The following NRXN1 variants were observed in gnomAD, a reference collection of about 807,000 sequenced individuals.
The protein encoded by NRXN1 is neurexin-1.
Under a neutral mutation model 150.9 loss-of-function variants are expected in NRXN1, and 39 were observed. The observed-to-expected ratio is 0.26, with a 90% CI of 0.20 to 0.34. NRXN1 has a LOEUF of 0.34. NRXN1 is among the 10% of genes least tolerant of loss of function. The pLI is 1.00. For missense variants in NRXN1, 1,815 were observed against 1,949.9 expected (o/e 0.93, Z 1.30); for synonymous variants, 924 against 757.0 (o/e 1.22, Z -3.62).
intron 12 of NRXN1, chr2:50,526,617 G>A (rs140377749): frequency 6.6e-6 from 1 of 152,290 alleles, no homozygotes; most frequent in East Asian, 1.9e-4. Context: ...TTCCTCAAAG[G>A]TGAGTCTTTT....
intron 18 of NRXN1, among the ~76,000 whole-genome samples, chr2:50,185,050 G>C (rs1366452920): frequency 6.6e-6 from 1 of 152,024 alleles, no homozygotes; most frequent in Non-Finnish European, 1.5e-5. Flanking sequence ...GACCTTGGAG[G>C]AGACATATGT....
intron 17 of NRXN1, among the ~76,000 whole-genome samples, chr2:50,441,854 G>C (rs1055266049): frequency 3.3e-5 from 5 of 152,144 alleles, no homozygotes; most frequent in Admixed American, 1.3e-4. Flanking sequence ...GTGGTTTCCT[G>C]CCCATAAGGC....
At chr2:49,928,787 C>T (rs1383301980) in intron 22 of NRXN1, among the ~76,000 whole-genome samples, 2 of 152,094 alleles carry the variant, frequency 1.3e-5, no homozygotes, top group Non-Finnish European at 2.9e-5. Context: ...GCATTAATTT[C>T]GACTCATGCG....
intron 18 of NRXN1, among the ~76,000 whole-genome samples, chr2:50,220,937 C>G (rs998906646): frequency 6.6e-6 from 1 of 151,928 alleles, no homozygotes; most frequent in Non-Finnish European, 1.5e-5. Context: ...AATTAAATAT[C>G]CTGCCCACCA....
At chr2:50,095,962 G>C (rs1335614494) in intron 18 of NRXN1, among the ~76,000 whole-genome samples, 1 of 122,236 alleles carries the variant, frequency 8.2e-6, no homozygotes, top group East Asian at 2.3e-4. Context: ...ACAGGCCCCG[G>C]TGTGTGATGT....
At chr2:50,183,409 A>C (rs2060863307) in intron 18 of NRXN1, among the ~76,000 whole-genome samples, 1 of 151,970 alleles carries the variant, frequency 6.6e-6, no homozygotes, top group Admixed American at 6.6e-5. Context: ...CTGTTTCTGA[A>C]TGTTGGAGAT....
intron 5 of NRXN1, among the ~76,000 whole-genome samples, chr2:50,751,500 C>T (rs1245579200): frequency 6.6e-6 from 1 of 151,890 alleles, no homozygotes; most frequent in African/African-American, 2.4e-5. Flanking sequence ...TGGTTATAAG[C>T]CTGCCAGAAA....
At chr2:50,619,667 T>C (rs1679641229) in intron 8 of NRXN1, 3 of 381,486 alleles carry the variant, frequency 7.9e-6, no homozygotes, top group Non-Finnish European at 1.4e-5. Context: ...AAGTCATCAC[T>C]GTATGCATAA....
chr2:50,733,215 G>A (rs1318148756), intron 5 of NRXN1, among the ~76,000 whole-genome samples: 1 of 152,106 alleles, frequency 6.6e-6, no homozygotes, highest in Non-Finnish European at 1.5e-5. Flanking sequence ...TCAGCAGTTT[G>A]TAAGGCTGCC....
At chr2:50,389,039 G>A (rs2081512557) in intron 17 of NRXN1, among the ~76,000 whole-genome samples, 1 of 151,932 alleles carries the variant, frequency 6.6e-6, no homozygotes, top group East Asian at 1.9e-4. Context: ...GTGGTGGTGT[G>A]CACCTGTAGT....
chr2:50,966,785 C>T (rs1694176742), intron 2 of NRXN1, among the ~76,000 whole-genome samples: 1 of 151,724 alleles, frequency 6.6e-6, no homozygotes, highest in Non-Finnish European at 1.5e-5. Context: ...GGGAAATCTA[C>T]TTTAATTTCC....
At chr2:51,001,040 A>C (rs997016230) in intron 2 of NRXN1, among the ~76,000 whole-genome samples, 1 of 151,972 alleles carries the variant, frequency 6.6e-6, no homozygotes, top group African/African-American at 2.4e-5. Context: ...AGAACATAGG[A>C]AAGTGTGGTG....
At chr2:49,983,708 C>T (rs1434589846) in intron 21 of NRXN1, among the ~76,000 whole-genome samples, 2 of 152,078 alleles carry the variant, frequency 1.3e-5, no homozygotes, top group Admixed American at 1.3e-4. Flanking sequence ...TAGAAACCAC[C>T]TGTGGAGAAC....
chr2:50,254,081 T>G (rs962899832), intron 17 of NRXN1, among the ~76,000 whole-genome samples: 1 of 151,956 alleles, frequency 6.6e-6, no homozygotes, highest in Non-Finnish European at 1.5e-5. Context: ...TATTACTGCC[T>G]TACTTTCAGA....
intron 5 of NRXN1, among the ~76,000 whole-genome samples, chr2:50,876,226 A>ATT (rs138958982): frequency 6.7e-6 from 1 of 150,128 alleles, no homozygotes; most frequent in African/African-American, 2.4e-5. Flanking sequence ...AGAAACTAAG[A>ATT]TTTTTTTTTT....
rs540536052 is a variant in NRXN1, at chr2:50,805,305, T to C, written c.832+116564A>G. ...GACTTTAGACATATAAGGTTACTTC[T>C]ATGAAGAAACAGAATGGAAAATGTC... On this transcript the variant is annotated intron_variant, in intron 5 of 22. Coordinates refer to ENST00000401669, the MANE Select transcript of NRXN1 (RefSeq NM_001330078.2). Among the ~76,000 whole-genome samples the C allele has an allele frequency of 2.6e-5, 4 of 152,192 alleles. 1 individual carries two copies. In the East Asian group the frequency reaches 7.7e-4, roughly 29 times the overall value.
Position 50,978,103 on chromosome 2 carries a change from AT to A in NRXN1, c.772+49398del, listed in dbSNP as rs562053555. ...CTACAGTGATCTATACATTTTAAAT[AT>A]TCTTTAACTGTTCCAAAATATATAT... On this transcript the variant is annotated intron_variant, in intron 2 of 22. Transcript: ENST00000401669. Among the ~76,000 whole-genome samples, 36 of 151,124 alleles carry A rather than the reference AT, an allele frequency of 2.4e-4. No individual in the cohort carries two copies. The East Asian group carries it at 6.6e-3, about 28-fold the overall frequency.
intron 8 of NRXN1, among the ~76,000 whole-genome samples, chr2:50,569,255 T>C (rs1670303737): frequency 6.6e-6 from 1 of 152,096 alleles, no homozygotes; most frequent in Non-Finnish European, 1.5e-5. Context: ...TAGTCAACAA[T>C]AATATATTGT....
intron 8 of NRXN1, chr2:50,619,807 C>A: frequency 2.3e-6 from 1 of 444,144 alleles, no homozygotes; most frequent in Admixed American, 4.1e-5. Flanking sequence ...ATGTAAATTA[C>A]TTACAGACTA....
Sources: allele counts gnomAD v4.1 joint callset (sites outside exome capture counted in the v4.1 genomes callset), GRCh38; gene constraint gnomAD v4.1.1; transcripts MANE v1.5; gene names NCBI Gene and HGNC (gene_info 2026-07-23, HGNC 2026-07-21).